The following TMEM123 variants were observed in gnomAD, a reference collection of about 807,000 sequenced individuals.
TMEM123 encodes the protein porimin.
Under a neutral mutation model 19.7 loss-of-function variants are expected in TMEM123, and 16 were observed. That is an observed-to-expected ratio of 0.81 (90% confidence interval 0.55 to 1.23). The LOEUF (loss-of-function observed/expected upper bound fraction) is 1.23. Ranked by LOEUF, TMEM123 falls within the 50% of genes most tolerant of loss-of-function variation. The pLI, the probability that TMEM123 is intolerant of heterozygous loss-of-function variation, is 0.00. For synonymous variants in TMEM123, 118 were observed against 99.4 expected (o/e 1.19, Z -1.12); for missense variants, 313 against 257.8 (o/e 1.21, Z -1.47).
chr11:102,449,795 T>G (rs1160349526), intron 1 of TMEM123, among the ~76,000 whole-genome samples: 1 of 152,222 alleles, frequency 6.6e-6, no homozygotes, highest in Non-Finnish European at 1.5e-5. Flanking sequence ...AAGCCAGGGT[T>G]ATGTGCATTA....
intron 2 of TMEM123, among the ~76,000 whole-genome samples, chr11:102,441,375 T>C (rs1460581431): frequency 2.6e-5 from 4 of 151,984 alleles, no homozygotes; most frequent in Admixed American, 2.0e-4. Flanking sequence ...AACTAGAACT[T>C]AGGATTAAGA....
chr11:102,425,360 T>A (rs1565351933), intron 2 of TMEM123, among the ~76,000 whole-genome samples: 1 of 152,226 alleles, frequency 6.6e-6, no homozygotes, highest in Non-Finnish European at 1.5e-5. Context: ...AGCAGTATCA[T>A]TTTATAACAG....
chr11:102,440,607 A>C lies in TMEM123; in HGVS notation c.157+8205T>G, dbSNP rs913938141. 3.3e-5 allele frequency among the ~76,000 whole-genome samples: 5 copies of C among 152,242 alleles called. No homozygotes were observed. The East Asian group carries it at 9.6e-4, about 29-fold the overall frequency. Reference sequence around the variant, plus strand: ...CCACTGCAAAAACATGTCAAATTGTAAAGACCATCGATGATAGGAAGAAAC... The same window carrying C: ...CCACTGCAAAAACATGTCAAATTGTCAAGACCATCGATGATAGGAAGAAAC... On this transcript the variant is annotated intron_variant, in intron 2 of 4. Coordinates refer to ENST00000398136, the MANE Select transcript of TMEM123 (RefSeq NM_052932.3).
At chr11:102,441,533 C>T (rs1331312817) in intron 2 of TMEM123, among the ~76,000 whole-genome samples, 1 of 152,158 alleles carries the variant, frequency 6.6e-6, no homozygotes. Context: ...CTCTGGGACA[C>T]ATTTAAAGCA....
chr11:102,448,578 CTTT>C (rs1382566638), intron 2 of TMEM123, among the ~76,000 whole-genome samples: 1 of 152,180 alleles, frequency 6.6e-6, no homozygotes, highest in Non-Finnish European at 1.5e-5. Flanking sequence ...TTCCGATACA[CTTT>C]TTGTTTTAGA....
chr11:102,431,637 T>C (rs1426969358), intron 2 of TMEM123, among the ~76,000 whole-genome samples: 2 of 152,246 alleles, frequency 1.3e-5, no homozygotes, highest in South Asian at 4.1e-4. Context: ...TTTGCTTTTT[T>C]AAAGCTGAAT....
chr11:102,419,452 G>T (rs1458608119), intron 2 of TMEM123, among the ~76,000 whole-genome samples: 1 of 152,110 alleles, frequency 6.6e-6, no homozygotes, highest in African/African-American at 2.4e-5. Context: ...GTTTTAAATG[G>T]TACTCTAGCA....
At chr11:102,436,790 G>C (rs1238483960) in intron 2 of TMEM123, among the ~76,000 whole-genome samples, 2 of 152,144 alleles carry the variant, frequency 1.3e-5, no homozygotes, top group Non-Finnish European at 2.9e-5. Context: ...CCTGCTCTCT[G>C]TGAAAAAGGA....
intron 2 of TMEM123, 115 bp from the exon 3 acceptor site, chr11:102,402,321 C>A: frequency 9.5e-7 from 1 of 1,056,092 alleles, no homozygotes; most frequent in East Asian, 2.5e-5. Context: ...AATACAGCAG[C>A]ATTTAACATA....
intron 2 of TMEM123, among the ~76,000 whole-genome samples, chr11:102,403,276 C>T (rs1307365656): frequency 6.6e-6 from 1 of 152,212 alleles, no homozygotes; most frequent in Admixed American, 6.5e-5. Flanking sequence ...TCCCCAAGTG[C>T]TGGGATCACA....
intron 2 of TMEM123, among the ~76,000 whole-genome samples, chr11:102,436,393 C>A (rs1454270482): frequency 6.6e-6 from 1 of 151,884 alleles, no homozygotes; most frequent in Non-Finnish European, 1.5e-5. Context: ...AAACTCCTGA[C>A]CTCAAGTGAT....
At chr11:102,432,541 G>T (rs576438887) in intron 2 of TMEM123, among the ~76,000 whole-genome samples, 2 of 152,158 alleles carry the variant, frequency 1.3e-5, no homozygotes, top group Non-Finnish European at 2.9e-5. Flanking sequence ...GTAGCAGAGC[G>T]TAAGAGTTTG....
chr11:102,400,291 T>C (rs1951901046), intron 4 of TMEM123, among the ~76,000 whole-genome samples: 1 of 152,242 alleles, frequency 6.6e-6, no homozygotes, highest in Non-Finnish European at 1.5e-5. Flanking sequence ...GAGGGATTTA[T>C]TCATTCAACA....
chr11:102,443,138 T>C (rs1157604026), intron 2 of TMEM123, among the ~76,000 whole-genome samples: 2 of 152,134 alleles, frequency 1.3e-5, no homozygotes, highest in African/African-American at 4.8e-5. Flanking sequence ...AATTCATAGA[T>C]TCAATGCCAT....
chr11:102,431,531 T>C (rs1161674168), intron 2 of TMEM123, among the ~76,000 whole-genome samples: 1 of 152,224 alleles, frequency 6.6e-6, no homozygotes, highest in Admixed American at 6.5e-5. Flanking sequence ...CCTTTAACCA[T>C]CATCTCCCCT....
At chr11:102,399,027 T>C in intron 4 of TMEM123, 136 bp from the exon 5 acceptor site, 1 of 748,326 alleles carries the variant, frequency 1.3e-6, no homozygotes, top group Non-Finnish European at 2.1e-6. Flanking sequence ...CTGTGTAAAG[T>C]TCCTTAAGTA....
chr11:102,422,446 C>G (rs1312285807), intron 2 of TMEM123, among the ~76,000 whole-genome samples: 2 of 152,044 alleles, frequency 1.3e-5, no homozygotes, highest in African/African-American at 2.4e-5. Flanking sequence ...TGCACTCCAG[C>G]CTGGTTGACA....
intron 2 of TMEM123, among the ~76,000 whole-genome samples, chr11:102,419,631 CAT>C (rs1952070020): frequency 1.3e-5 from 2 of 152,272 alleles, no homozygotes; most frequent in African/African-American, 4.8e-5. Flanking sequence ...CCCTTGAAGA[CAT>C]AAATAGTAAA....
intron 2 of TMEM123, among the ~76,000 whole-genome samples, chr11:102,423,195 G>C (rs1218063073): frequency 6.6e-6 from 1 of 152,210 alleles, no homozygotes; most frequent in Non-Finnish European, 1.5e-5. Flanking sequence ...AAATGAATGA[G>C]ATACAGCTAT....
Sources: allele counts gnomAD v4.1 joint callset (sites outside exome capture counted in the v4.1 genomes callset), GRCh38; gene constraint gnomAD v4.1.1; transcripts MANE v1.5; gene names NCBI Gene and HGNC (gene_info 2026-07-23, HGNC 2026-07-21).